PRICKLE1: variants seen among roughly 807,000 people sequenced by gnomAD.
PRICKLE1 encodes prickle planar cell polarity protein 1.
In PRICKLE1, 14 loss-of-function variants were observed where a neutral mutation model predicts 70.2. The ratio of observed to expected loss-of-function variants is 0.20; its 90% CI spans 0.13 to 0.31. The LOEUF (loss-of-function observed/expected upper bound fraction) is 0.31. Ranked by LOEUF, PRICKLE1 falls within the 10% of genes least tolerant of loss-of-function variation. The pLI is 1.00. For synonymous variants in PRICKLE1, 357 were observed against 379.9 expected, an observed-to-expected ratio of 0.94 and a Z score of 0.70; for missense variants, 821 against 1,026.2, an observed-to-expected ratio of 0.80 and a Z score of 2.73.
chr12:42,559,949 A>G lies in PRICKLE1; in HGVS notation c.-49+29516T>C, dbSNP rs148103463. Among the ~76,000 whole-genome samples the G allele has an allele frequency of 2.8e-3, 430 of 152,008 alleles. 1 individual carries two copies. Among genetic ancestry groups the G allele is most frequent in the African/African-American group, 9.7e-3 (403 of 41,514 alleles). On this transcript the variant is annotated intron_variant, in intron 1 of 7. Coordinates refer to ENST00000345127, the MANE Select transcript of PRICKLE1 (RefSeq NM_153026.3). ...TACACAAATTATAGGCAAATGAAAC[A>G]ATCCTATCATGTTCCCTAAACATTA...
At chr12:42,498,931 C>T (rs908626547) in intron 1 of PRICKLE1, among the ~76,000 whole-genome samples, 20 of 152,220 alleles carry the variant, frequency 1.3e-4, no homozygotes, top group African/African-American at 4.8e-4. Flanking sequence ...GGCTTCCACA[C>T]TGAGCTCTCA....
intron 1 of PRICKLE1, among the ~76,000 whole-genome samples, chr12:42,478,647 T>C (rs1047350284): frequency 2.0e-4 from 30 of 151,210 alleles, no homozygotes; most frequent in Non-Finnish European, 3.5e-4. Flanking sequence ...GAGAAATAAA[T>C]GTCAAACAGA....
intron 1 of PRICKLE1, among the ~76,000 whole-genome samples, chr12:42,544,184 C>G (rs1940167795): frequency 6.6e-6 from 1 of 152,162 alleles, no homozygotes; most frequent in South Asian, 2.1e-4. Context: ...TGCTGCCCAT[C>G]AAGAAACATA....
intron 1 of PRICKLE1, among the ~76,000 whole-genome samples, chr12:42,557,985 G>A (rs1467612999): frequency 6.6e-6 from 1 of 152,138 alleles, no homozygotes; most frequent in African/African-American, 2.4e-5. Context: ...GACACTTCAC[G>A]TGCTTAGTAA....
intron 1 of PRICKLE1, among the ~76,000 whole-genome samples, chr12:42,498,611 T>C (rs146689580): frequency 6.8e-4 from 103 of 152,342 alleles, no homozygotes; most frequent in African/African-American, 2.3e-3. Context: ...GATGAAACCT[T>C]GTCTCTATTT....
At chr12:42,559,621 TA>T (rs1471265264) in intron 1 of PRICKLE1, among the ~76,000 whole-genome samples, 697 of 54,870 alleles carry the variant, frequency 0.013, 7 homozygotes, top group African/African-American at 0.029. Flanking sequence ...TATATATATA[TA>T]TATTTTTTTT....
In PRICKLE1 at chr12:42,559,123, C is replaced by T. The variant is rs183605911; in HGVS notation, c.-49+30342G>A. Among the ~76,000 whole-genome samples, 763 of 152,326 alleles carry T rather than the reference C, an allele frequency of 5.0e-3. 9 individuals are homozygous for T. The highest frequency in any genetic ancestry group is 0.017 in the African/African-American group (716 of 41,576). Reference sequence around the variant, plus strand: ...CTCAGGCCTCTTGTGAAGGGCTAGACATGCATCAGAATTCCTACAAAGAAA... The same window carrying T: ...CTCAGGCCTCTTGTGAAGGGCTAGATATGCATCAGAATTCCTACAAAGAAA... On this transcript the variant is annotated intron_variant, in intron 1 of 7. Coordinates refer to ENST00000345127, the MANE Select transcript of PRICKLE1 (RefSeq NM_153026.3).
chr12:42,579,320 G>A (rs1014388653), intron 1 of PRICKLE1, among the ~76,000 whole-genome samples: 1 of 152,170 alleles, frequency 6.6e-6, no homozygotes, highest in Admixed American at 6.5e-5. Flanking sequence ...AGTGAGCTGT[G>A]ATTTCACATG....
chr12:42,571,505 AGTTTTGGG>A (rs1423406114), intron 1 of PRICKLE1, among the ~76,000 whole-genome samples: 1 of 152,172 alleles, frequency 6.6e-6, no homozygotes, highest in Admixed American at 6.5e-5. Context: ...GTCTGCAGGC[AGTTTTGGG>A]GTTGGTCTTG....
In PRICKLE1 at chr12:42,588,859, C is replaced by T. The variant is rs118143582; in HGVS notation, c.-49+606G>A. ...GCATCCTGAGTCCCGCTCCTAATAACTATTAACATGCCTAGTTTCTTCAAC... is the reference window on the plus strand; with the variant it reads ...GCATCCTGAGTCCCGCTCCTAATAATTATTAACATGCCTAGTTTCTTCAAC... On this transcript the variant is annotated intron_variant, in intron 1 of 7. Transcript: ENST00000345127. Among the ~76,000 whole-genome samples the T allele has an allele frequency of 4.1e-3, 627 of 152,316 alleles. 9 individuals carry two copies. The South Asian group carries it at 0.044, about 11-fold the overall frequency.
intron 1 of PRICKLE1, among the ~76,000 whole-genome samples, chr12:42,484,841 C>T (rs1176940673): frequency 6.6e-6 from 1 of 152,150 alleles, no homozygotes; most frequent in Non-Finnish European, 1.5e-5. Context: ...TAGATTAGTA[C>T]TCATCAGTAG....
At chr12:42,579,221 A>G (rs1940857441) in intron 1 of PRICKLE1, among the ~76,000 whole-genome samples, 1 of 152,254 alleles carries the variant, frequency 6.6e-6, no homozygotes, top group African/African-American at 2.4e-5. Flanking sequence ...GTGACTGGGA[A>G]AAAGCAGGGA....
At chr12:42,479,378 T>C (rs762410641) in intron 1 of PRICKLE1, among the ~76,000 whole-genome samples, 12 of 152,180 alleles carry the variant, frequency 7.9e-5, no homozygotes, top group Non-Finnish European at 1.5e-4. Flanking sequence ...AAGCCTCCAA[T>C]ACCATACACA....
At chr12:42,524,312 G>A (rs1939763190) in intron 1 of PRICKLE1, among the ~76,000 whole-genome samples, 1 of 152,058 alleles carries the variant, frequency 6.6e-6, no homozygotes, top group Non-Finnish European at 1.5e-5. Flanking sequence ...CTAATCCAAT[G>A]GTAGATTTAA....
chr12:42,571,557 C>T (rs1270951005), intron 1 of PRICKLE1, among the ~76,000 whole-genome samples: 3 of 152,204 alleles, frequency 2.0e-5, no homozygotes, highest in Non-Finnish European at 4.4e-5. Context: ...TGGTCCCAGG[C>T]CTTGGGCTTG....
chr12:42,518,966 C>T (rs1939659936), intron 1 of PRICKLE1, among the ~76,000 whole-genome samples: 3 of 152,068 alleles, frequency 2.0e-5, no homozygotes, highest in African/African-American at 7.2e-5. Context: ...TGCACCATGG[C>T]TTGAGAATTG....
chr12:42,529,053 T>C (rs1222740203), intron 1 of PRICKLE1, among the ~76,000 whole-genome samples: 2 of 152,242 alleles, frequency 1.3e-5, no homozygotes, highest in African/African-American at 4.8e-5. Context: ...TGAATGGATG[T>C]ATCAGACTTA....
In PRICKLE1 at chr12:42,540,116, T is replaced by C. The variant is rs561386484; in HGVS notation, c.-49+49349A>G. ...TGTTTTTCACATTAAAAGATGGAAA[T>C]GTTTCAAGAGTTAAATCCATAGCTT... is the stretch of plus-strand genomic sequence containing the variant. On this transcript the variant is annotated intron_variant, in intron 1 of 7. Transcript: ENST00000345127. Among the ~76,000 whole-genome samples the C allele has an allele frequency of 2.6e-5, 4 of 152,362 alleles. 1 individual carries two copies. The highest frequency in any genetic ancestry group is 9.6e-5 in the African/African-American group (4 of 41,592).
chr12:42,575,693 C>A (rs561036341), intron 1 of PRICKLE1, among the ~76,000 whole-genome samples: 9 of 144,546 alleles, frequency 6.2e-5, no homozygotes, highest in Admixed American at 4.2e-4. Flanking sequence ...AACTCCATCT[C>A]AAAAAAAAAT....
Sources: allele counts gnomAD v4.1 joint callset (sites outside exome capture counted in the v4.1 genomes callset), GRCh38; gene constraint gnomAD v4.1.1; transcripts MANE v1.5; gene names NCBI Gene and HGNC (gene_info 2026-07-23, HGNC 2026-07-21).